COL25A1: variants seen among roughly 807,000 people sequenced by gnomAD.
COL25A1 encodes the protein collagen type XXV alpha 1 chain, also known as collagen alpha-1(XXV) chain.
In COL25A1, 103 loss-of-function variants were observed where a neutral mutation model predicts 128.4. The observed-to-expected ratio is 0.80, with a 90% CI of 0.68 to 0.94. COL25A1 has a LOEUF of 0.94. COL25A1 is among the 40% of genes least tolerant of loss of function. The pLI is 0.00. For synonymous variants in COL25A1, 279 were observed against 277.2 expected, an observed-to-expected ratio of 1.01 and a Z score of -0.06; for missense variants, 745 against 840.0, an observed-to-expected ratio of 0.89 and a Z score of 1.40.
chr4:108,880,436 C>T (rs1739982817), intron 19 of COL25A1, among the ~76,000 whole-genome samples: 1 of 152,208 alleles, frequency 6.6e-6, no homozygotes, highest in African/African-American at 2.4e-5. Flanking sequence ...ACAGAGTATA[C>T]ATGGCTTTAC....
At chr4:109,273,011 C>T (rs1487095677) in intron 3 of COL25A1, among the ~76,000 whole-genome samples, 1 of 152,070 alleles carries the variant, frequency 6.6e-6, no homozygotes, top group Non-Finnish European at 1.5e-5. Context: ...CATTATATAA[C>T]ATTTGCATTT....
chr4:109,110,055 A>G (rs1157904228), intron 3 of COL25A1, among the ~76,000 whole-genome samples: 1 of 152,146 alleles, frequency 6.6e-6, no homozygotes, highest in Non-Finnish European at 1.5e-5. Flanking sequence ...TCATGCCTCT[A>G]TATTCAGAAC....
At chr4:108,990,286 G>A (rs10029542) in intron 6 of COL25A1, among the ~76,000 whole-genome samples, 94,353 of 115,018 alleles carry the variant, frequency 0.82, 39,054 homozygotes, top group East Asian at 1. Flanking sequence ...CAAAAGAATC[G>A]ATAAAAATAT....
chr4:109,055,313 C>T (rs1158990423), intron 3 of COL25A1, among the ~76,000 whole-genome samples: 3 of 152,162 alleles, frequency 2.0e-5, no homozygotes, highest in East Asian at 3.9e-4. Context: ...AGAACCTGGA[C>T]CATCAGAGCA....
intron 6 of COL25A1, among the ~76,000 whole-genome samples, chr4:108,984,332 G>A (rs1753401983): frequency 6.6e-6 from 1 of 152,234 alleles, no homozygotes; most frequent in Non-Finnish European, 1.5e-5. Context: ...GCTTCACCCA[G>A]TGGATCCCGC....
chr4:108,825,031 A>G (rs1732200691), intron 34 of COL25A1, among the ~76,000 whole-genome samples, 165 bp downstream of exon 34: 1 of 152,090 alleles, frequency 6.6e-6, no homozygotes, highest in African/African-American at 2.4e-5. Flanking sequence ...GTTTTATCTC[A>G]TGCAAACACT....
chr4:109,062,330 C>A (rs1762051519), intron 3 of COL25A1, among the ~76,000 whole-genome samples: 2 of 152,072 alleles, frequency 1.3e-5, no homozygotes. Context: ...TTTTATTTTG[C>A]AACTTAACTA....
In COL25A1 at chr4:109,164,332, A is replaced by G. The variant is rs548510251; in HGVS notation, c.368-114153T>C. On this transcript the variant is annotated intron_variant, in intron 3 of 37. Coordinates refer to ENST00000399132, the MANE Select transcript of COL25A1 (RefSeq NM_198721.4). ...GAATCCTGGATCCCTAAAAGAATGC[A>G]GAGAAGAGACATCTCCTCTACCCTT... Among the ~76,000 whole-genome samples, 3 of 152,356 alleles carry G rather than the reference A, an allele frequency of 2.0e-5. No individual in the cohort carries two copies. The East Asian group carries it at 5.8e-4, about 29-fold the overall frequency.
At chr4:109,142,091 G>A (rs1254825935) in intron 3 of COL25A1, among the ~76,000 whole-genome samples, 4 of 152,142 alleles carry the variant, frequency 2.6e-5, no homozygotes, top group Non-Finnish European at 5.9e-5. Context: ...TCTAAACACT[G>A]CTTTAGCTGT....
chr4:109,300,727 T>A, intron 2 of COL25A1, 75 bp from the exon 3 acceptor site: 1 of 978,594 alleles, frequency 1.0e-6, no homozygotes, highest in Non-Finnish European at 1.6e-6. Context: ...ACTCTGGCCA[T>A]ACGCCTGATT....
At chr4:109,137,974 T>A (rs1553940903) in intron 3 of COL25A1, among the ~76,000 whole-genome samples, 3 of 145,532 alleles carry the variant, frequency 2.1e-5, no homozygotes, top group Non-Finnish European at 4.5e-5. Context: ...AAATTTCATT[T>A]TATATATATA....
intron 3 of COL25A1, among the ~76,000 whole-genome samples, chr4:109,266,397 G>A (rs1781794603): frequency 1.3e-5 from 2 of 152,162 alleles, no homozygotes; most frequent in African/African-American, 2.4e-5. Context: ...ATCTTCACAT[G>A]ACAATGGAGC....
intron 3 of COL25A1, among the ~76,000 whole-genome samples, chr4:109,148,309 T>C (rs905234112): frequency 1.3e-5 from 2 of 152,174 alleles, no homozygotes; most frequent in Non-Finnish European, 2.9e-5. Context: ...ATAACAATAT[T>C]TTAAAAATAG....
chr4:109,253,896 G>T (rs1448412352), intron 3 of COL25A1, among the ~76,000 whole-genome samples: 1 of 152,036 alleles, frequency 6.6e-6, no homozygotes, highest in South Asian at 2.1e-4. Context: ...GACCATCCTG[G>T]CTAACACGGT....
intron 5 of COL25A1, among the ~76,000 whole-genome samples, chr4:109,022,754 T>A (rs1460913326): frequency 6.6e-6 from 1 of 152,236 alleles, no homozygotes; most frequent in East Asian, 1.9e-4. Context: ...GTCAATGAAA[T>A]GAGCTTATTC....
intron 11 of COL25A1, among the ~76,000 whole-genome samples, chr4:108,935,582 C>T (rs1327589288): frequency 1.3e-5 from 2 of 151,198 alleles, no homozygotes; most frequent in Non-Finnish European, 2.9e-5. Context: ...TAAAAAATAA[C>T]ACGAACTAAA....
intron 24 of COL25A1, among the ~76,000 whole-genome samples, chr4:108,857,300 C>T (rs1337163360): frequency 6.6e-6 from 1 of 152,084 alleles, no homozygotes; most frequent in African/African-American, 2.4e-5. Flanking sequence ...TTTGTGTTCC[C>T]TGTCTCTGTC....
intron 13 of COL25A1, among the ~76,000 whole-genome samples, chr4:108,907,522 T>G (rs1181955894): frequency 6.6e-6 from 1 of 152,192 alleles, no homozygotes; most frequent in Admixed American, 6.5e-5. Flanking sequence ...ATGAACTCAC[T>G]AACATCTGCT....
chr4:108,982,210 C>CAAACA (rs909120623), intron 6 of COL25A1, among the ~76,000 whole-genome samples: 11 of 152,078 alleles, frequency 7.2e-5, no homozygotes, highest in African/African-American at 2.7e-4. Context: ...CACACACACA[C>CAAACA]AAACAAAACA....
Sources: gnomAD v4.1 joint callset for allele counts (sites outside exome capture counted in the v4.1 genomes callset) on GRCh38, gnomAD v4.1.1 for gene constraint, MANE v1.5 for transcripts, NCBI Gene and HGNC (gene_info 2026-07-23, HGNC 2026-07-21) for gene names.